Variants in EPHA10 observed in about 807,000 individuals in gnomAD.
EPHA10 encodes EPH receptor A10.
Under a neutral mutation model 109.7 loss-of-function variants are expected in EPHA10, and 120 were observed. That is an observed-to-expected ratio of 1.09 (90% CI 0.94 to 1.27). The LOEUF is 1.27. Among genes scored for constraint, EPHA10 ranks in the 50% most tolerant of loss-of-function variants. The pLI, the probability that EPHA10 is intolerant of heterozygous loss-of-function variation, is 0.00. For missense variants in EPHA10, 1,396 were observed against 1,411.1 expected, an observed-to-expected ratio of 0.99 and a Z score of 0.17; for synonymous variants, 640 against 618.9, an observed-to-expected ratio of 1.03 and a Z score of -0.51.
chr1:37,757,963 G>A (rs1005970356), intron 3 of EPHA10, among the ~76,000 whole-genome samples: 2 of 152,076 alleles, frequency 1.3e-5, no homozygotes, highest in Non-Finnish European at 2.9e-5. Flanking sequence ...CCTAGAGGAG[G>A]GAATGAGCCA....
At chr1:37,760,287 C>A (rs1646420252) in intron 3 of EPHA10, 2 of 1,033,430 alleles carry the variant, frequency 1.9e-6, no homozygotes, top group Admixed American at 1.1e-4. Flanking sequence ...AAAAAGCATA[C>A]CTTGATCTTT....
chr1:37,743,970 GA>G (rs954224687), intron 5 of EPHA10, among the ~76,000 whole-genome samples: 3 of 152,112 alleles, frequency 2.0e-5, no homozygotes, highest in African/African-American at 7.2e-5. Context: ...AAGTAGCCAT[GA>G]AATAGTTTAA....
rs1186054203 is a variant in EPHA10 at position 37,716,222 on chromosome 1, T to A, written c.*2150A>T. On this transcript the variant is annotated 3_prime_UTR_variant, in exon 17 of 17. Transcript: ENST00000373048. ...TGAGGCCTGGGACCCAACAGGATTC[T>A]GGGACCTCACTCCTCAGTGGAGGGG... 5 of 316,062 alleles carry A rather than the reference T, an allele frequency of 1.6e-5. No homozygotes were observed. The allele number at this position is 316,062 out of a possible 1,614,324, so 19.6% of individuals were successfully genotyped here.
intron 5 of EPHA10, among the ~76,000 whole-genome samples, chr1:37,739,442 A>G (rs1301919830): frequency 6.6e-6 from 1 of 152,196 alleles, no homozygotes; most frequent in Non-Finnish European, 1.5e-5. Context: ...AACCCAGTAC[A>G]CTTTGGTAGG....
chr1:37,719,716 GCACA>G (rs1345495214), intron 14 of EPHA10, 109 bp from the exon 15 acceptor site: 8 of 1,404,498 alleles, frequency 5.7e-6, no homozygotes, highest in African/African-American at 1.4e-5. Flanking sequence ...ACACACATGC[GCACA>G]CACAGACACA....
In EPHA10 at chr1:37,754,125, C is replaced by A; in HGVS notation, c.1006+90G>T. The A allele has an allele frequency of 8.2e-7, 1 of 1,226,450 alleles. No homozygotes were observed. The highest frequency in any genetic ancestry group is 1.0e-6 in the Non-Finnish European group (1 of 973,304). The allele number at this position is 1,226,450 out of a possible 1,614,324, so 76.0% of individuals were successfully genotyped here. ...GCCCACGTGCGCCCCAGTGCGGAGACCCTGCCCTCACCACCACCTGGATCA... is the reference window on the plus strand; with the variant it reads ...GCCCACGTGCGCCCCAGTGCGGAGAACCTGCCCTCACCACCACCTGGATCA... On this transcript the variant is annotated intron_variant, in intron 4 of 16. Transcript: ENST00000373048. This position sits in a 1 kb window ranked among gnomAD's most constrained non-coding sequence, Gnocchi z 4.5.
At chr1:37,752,758 A>T in intron 5 of EPHA10, 118 bp downstream of exon 5, 1 of 497,306 alleles carries the variant, frequency 2.0e-6, no homozygotes, top group Non-Finnish European at 2.5e-6. Context: ...GCGTGTACAG[A>T]GGATGGCTTC....
chr1:37,716,145 T>C lies in EPHA10; in HGVS notation c.*2227A>G, dbSNP rs1645688070. 1 of 426,186 alleles carries C rather than the reference T, an allele frequency of 2.3e-6. No individual in the cohort carries two copies. The highest frequency in any genetic ancestry group is 4.4e-6 in the Non-Finnish European group (1 of 225,202). 26.4% of individuals were successfully genotyped at this position (426,186 alleles called of 1,614,324 possible). Reference sequence around the variant, plus strand: ...TGAACAAGTTCCATATAAAAATAGATCTGTAGAGGGTTCCCAGAGAGCCAT... The same window carrying C: ...TGAACAAGTTCCATATAAAAATAGACCTGTAGAGGGTTCCCAGAGAGCCAT... On this transcript the variant is annotated 3_prime_UTR_variant, in exon 17 of 17. Transcript: ENST00000373048.
intron 4 of EPHA10, among the ~76,000 whole-genome samples, chr1:37,753,589 G>T (rs1420067866): frequency 1.3e-5 from 2 of 151,684 alleles, no homozygotes; most frequent in African/African-American, 4.9e-5. Context: ...CAGTCAGGGA[G>T]ATTGGTACAG....
Position 37,761,387 on chromosome 1 carries a change from C to T in EPHA10, c.850+18G>A, listed in dbSNP as rs1382143490. 6.9e-6 allele frequency: 11 copies of T among 1,599,268 alleles called. No individual in the cohort carries two copies. The Admixed American group carries it at 1.8e-4, about 27-fold the overall frequency. On this transcript the variant is annotated intron_variant, in intron 3 of 16. Transcript: ENST00000373048. ...ACGCTCTACACTCCCACCCCACGGC[C>T]CCCAGCCAACTGGATACCTTCGCAG... is the stretch of plus-strand genomic sequence containing the variant.
At chr1:37,737,546 G>A (rs1176046721) in intron 5 of EPHA10, among the ~76,000 whole-genome samples, 1 of 152,152 alleles carries the variant, frequency 6.6e-6, no homozygotes, top group Non-Finnish European at 1.5e-5. Context: ...TGAGAAAAGT[G>A]GATATCCACC....
chr1:37,715,748 A>G, downstream of EPHA10: 1 of 385,334 alleles, frequency 2.6e-6, no homozygotes, highest in Non-Finnish European at 5.0e-6. Context: ...TGGGTAACAG[A>G]CTTCTCTACA....
At chr1:37,740,719 G>A (rs556579337) in intron 5 of EPHA10, among the ~76,000 whole-genome samples, 3 of 151,296 alleles carry the variant, frequency 2.0e-5, no homozygotes, top group Non-Finnish European at 4.4e-5. Flanking sequence ...ACACATATAC[G>A]GGAGATAATA....
chr1:37,759,471 G>T (rs913528736), intron 3 of EPHA10, among the ~76,000 whole-genome samples: 1 of 152,132 alleles, frequency 6.6e-6, no homozygotes, highest in Non-Finnish European at 1.5e-5. Context: ...CTTAGAATTA[G>T]GTTCTCCCTT....
intron 5 of EPHA10, among the ~76,000 whole-genome samples, chr1:37,738,572 T>C (rs1387455884): frequency 6.6e-6 from 1 of 152,090 alleles, no homozygotes; most frequent in East Asian, 1.9e-4. Flanking sequence ...GGAATGTAAA[T>C]TGGTGCAGCT....
chr1:37,751,201 CAAAAA>C (rs1320111085), intron 5 of EPHA10, among the ~76,000 whole-genome samples: 4 of 46,126 alleles, frequency 8.7e-5, no homozygotes, highest in African/African-American at 3.0e-4. Flanking sequence ...AGACTCCTCT[CAAAAA>C]AAAAAAAAAA....
Position 37,753,233 on chromosome 1 carries a change from C to A in EPHA10, c.1007-7G>T. The stretch of plus-strand genomic sequence containing the variant: ...CGCGGCGCCGACGGCGGCCCTGAGG[C>A]GGCACAGGGGCGGGGCGGTCAGGGC... On this transcript the variant is annotated splice_region_variant and splice_polypyrimidine_tract_variant and intron_variant, in intron 4 of 16. Coordinates refer to ENST00000373048, the MANE Select transcript of EPHA10 (RefSeq NM_001099439.2). 1 of 1,092,614 alleles carries A rather than the reference C, an allele frequency of 9.2e-7. No individual in the cohort carries two copies. The highest frequency in any genetic ancestry group is 2.3e-5 in the South Asian group (1 of 42,740). The allele number at this position is 1,092,614 out of a possible 1,614,324, so 67.7% of individuals were successfully genotyped here.
At chr1:37,729,269 C>T (rs1645942794) in intron 7 of EPHA10, among the ~76,000 whole-genome samples, 1 of 152,152 alleles carries the variant, frequency 6.6e-6, no homozygotes, top group African/African-American at 2.4e-5. Flanking sequence ...TTGGAAGAGA[C>T]CCTAAGTCAC....
chr1:37,730,693 A>G (rs2148328640), intron 7 of EPHA10, among the ~76,000 whole-genome samples: 1 of 151,598 alleles, frequency 6.6e-6, no homozygotes, highest in South Asian at 2.1e-4. Flanking sequence ...AAGTTACACA[A>G]TCCTTCTTTT....
Sources: gnomAD v4.1 joint callset for allele counts (sites outside exome capture counted in the v4.1 genomes callset) on GRCh38, gnomAD v4.1.1 for gene constraint, Gnocchi (gnomAD v3.1) non-coding constraint, MANE v1.5 for transcripts, NCBI Gene and HGNC (gene_info 2026-07-23, HGNC 2026-07-21) for gene names.